UBE2K: variants seen among roughly 807,000 people sequenced by gnomAD.
UBE2K encodes ubiquitin-conjugating enzyme E2 K.
In UBE2K, 6 loss-of-function variants were observed where a neutral mutation model predicts 30.0. The ratio of observed to expected loss-of-function variants is 0.20; its 90% confidence interval spans 0.11 to 0.39. UBE2K has a LOEUF of 0.39. UBE2K is among the 10% of genes least tolerant of loss of function. The pLI, the probability that UBE2K is intolerant of heterozygous loss-of-function variation, is 1.00. For missense variants in UBE2K, 61 were observed against 241.6 expected, an observed-to-expected ratio of 0.25 and a Z score of 4.96; for synonymous variants, 86 against 83.7, an observed-to-expected ratio of 1.03 and a Z score of -0.15.
In UBE2K at chr4:39,748,928, G is replaced by A. The variant is rs184037015; in HGVS notation, c.216+3118G>A. On this transcript the variant is annotated intron_variant, in intron 3 of 6. Coordinates refer to ENST00000261427, the MANE Select transcript of UBE2K (RefSeq NM_005339.5). ...TAAATATGTTCTAGATGTATACTAC[G>A]TTGATTTGAATTTTTACTGATTGGT... Among the ~76,000 whole-genome samples, 320 of 152,268 alleles carry A rather than the reference G, an allele frequency of 2.1e-3. 1 individual carries two copies. Among genetic ancestry groups the A allele is most frequent in the Non-Finnish European group, 2.5e-3 (167 of 68,028 alleles).
chr4:39,718,986 G>C (rs762453332), intron 1 of UBE2K, among the ~76,000 whole-genome samples: 1 of 152,266 alleles, frequency 6.6e-6, no homozygotes, highest in East Asian at 1.9e-4. Context: ...CCTCAAGTGT[G>C]GCCAGAATGG....
intron 2 of UBE2K, among the ~76,000 whole-genome samples, chr4:39,744,112 C>T (rs1310589858): frequency 6.6e-6 from 1 of 152,180 alleles, no homozygotes; most frequent in Non-Finnish European, 1.5e-5. Context: ...ATCTGCCCAC[C>T]TCAGCCTCCC....
chr4:39,763,559 A>G (rs1712114042), intron 4 of UBE2K, among the ~76,000 whole-genome samples: 1 of 151,886 alleles, frequency 6.6e-6, no homozygotes. Flanking sequence ...CAAAACACTT[A>G]AAACAACCAG....
intron 2 of UBE2K, among the ~76,000 whole-genome samples, chr4:39,745,400 T>C (rs763676648): frequency 2.0e-5 from 3 of 152,202 alleles, no homozygotes; most frequent in Non-Finnish European, 4.4e-5. Flanking sequence ...GTTGTTGTTA[T>C]TTAGCAATTC....
chr4:39,739,492 G>A (rs1429907695), intron 2 of UBE2K, among the ~76,000 whole-genome samples: 1 of 114,810 alleles, frequency 8.7e-6, no homozygotes, highest in Non-Finnish European at 1.7e-5. Context: ...TGTCTCTCAC[G>A]CTGGAGTGCA....
intron 1 of UBE2K, among the ~76,000 whole-genome samples, chr4:39,726,178 C>T (rs1027697308): frequency 1.3e-5 from 2 of 151,922 alleles, no homozygotes; most frequent in African/African-American, 4.8e-5. Context: ...GGCATCCTCC[C>T]TATATGTCTG....
chr4:39,736,758 T>C (rs980513207), intron 1 of UBE2K, among the ~76,000 whole-genome samples: 1 of 152,238 alleles, frequency 6.6e-6, no homozygotes, highest in Non-Finnish European at 1.5e-5. Context: ...AGTAGAAATC[T>C]GGTTTTTTGA....
At chr4:39,720,471 T>C (rs1479504808) in intron 1 of UBE2K, among the ~76,000 whole-genome samples, 1 of 152,212 alleles carries the variant, frequency 6.6e-6, no homozygotes, top group Non-Finnish European at 1.5e-5. Flanking sequence ...GTTAATAAAA[T>C]GGACATGATC....
At chr4:39,734,509 A>AT (rs939511097) in intron 1 of UBE2K, among the ~76,000 whole-genome samples, 60 of 152,198 alleles carry the variant, frequency 3.9e-4, no homozygotes, top group African/African-American at 1.4e-3. Flanking sequence ...CTGACTTATA[A>AT]TTTGGGGGCT....
At chr4:39,760,543 G>T (rs1026898790) in intron 4 of UBE2K, among the ~76,000 whole-genome samples, 2 of 152,136 alleles carry the variant, frequency 1.3e-5, no homozygotes, top group Non-Finnish European at 1.5e-5. Flanking sequence ...AGACACAAAA[G>T]AATACATACT....
chr4:39,751,631 C>T (rs1391754557), intron 3 of UBE2K, among the ~76,000 whole-genome samples: 9 of 152,080 alleles, frequency 5.9e-5, no homozygotes, highest in South Asian at 4.1e-4. Context: ...GCCGAGATTG[C>T]GCCACTGCAC....
chr4:39,744,425 G>C (rs1006569282), intron 2 of UBE2K, among the ~76,000 whole-genome samples: 1 of 151,422 alleles, frequency 6.6e-6, no homozygotes, highest in Middle Eastern at 3.2e-3. Context: ...ACCTGCCTCA[G>C]CCTCCCAAAG....
Position 39,755,661 on chromosome 4 carries a change from G to A in UBE2K, c.221G>A (p.Arg74Gln). Residue 74 changes from arginine to glutamine, a missense_variant, in exon 4 of 7, where the codon CGG (arginine) becomes CAG (glutamine). By Grantham distance (43) the Arg-to-Gln change is conservative (BLOSUM62 1). Coordinates refer to ENST00000261427, the MANE Select transcript of UBE2K (RefSeq NM_005339.5). ...CAAGTGTGCTTTATATTCTAGGTCC[G>A]GTTTATCACTAAAATATGGCATCCT... ...ETYPFNPPKV[R>Q]FITKIWHPNI... 1 of 1,603,730 alleles carries A rather than the reference G, an allele frequency of 6.2e-7. No individual in the cohort carries two copies. Among genetic ancestry groups the A allele is most frequent in the Non-Finnish European group, 8.5e-7 (1 of 1,175,932 alleles).
intron 5 of UBE2K, among the ~76,000 whole-genome samples, chr4:39,776,281 A>G (rs917740033): frequency 1.3e-5 from 2 of 152,154 alleles, no homozygotes; most frequent in Non-Finnish European, 2.9e-5. Flanking sequence ...CACTATATTT[A>G]CATAATTACT....
intron 1 of UBE2K, among the ~76,000 whole-genome samples, chr4:39,706,471 CTT>C (rs35941407): frequency 2.2e-5 from 3 of 133,538 alleles, no homozygotes; most frequent in Non-Finnish European, 3.2e-5. Flanking sequence ...CATGCCTGGA[CTT>C]TTTTTTTTTT....
At chr4:39,760,785 T>A (rs149538819) in intron 4 of UBE2K, among the ~76,000 whole-genome samples, 47 of 151,900 alleles carry the variant, frequency 3.1e-4, no homozygotes, top group African/African-American at 6.5e-4. Flanking sequence ...AAATAAAAAT[T>A]AAAATTAAAA....
rs1309269471 is a variant in UBE2K, at chr4:39,767,751, TC to T, written c.300-7082del. Among the ~76,000 whole-genome samples, 12 of 152,320 alleles carry T rather than the reference TC, an allele frequency of 7.9e-5. No homozygotes were observed. In the South Asian group the frequency reaches 2.3e-3, roughly 29 times the overall value. ...TTTTACATGCCTTTATGTTTTTCTT[TC>T]AAATTAAAATAAATATTATGAGTTT... On this transcript the variant is annotated intron_variant, in intron 4 of 6. Coordinates refer to ENST00000261427, the MANE Select transcript of UBE2K (RefSeq NM_005339.5).
intron 1 of UBE2K, among the ~76,000 whole-genome samples, chr4:39,709,832 TAG>T (rs1358232403): frequency 6.6e-6 from 1 of 152,088 alleles, no homozygotes; most frequent in African/African-American, 2.4e-5. Flanking sequence ...TCAAATGATA[TAG>T]AGATAATGGG....
At chr4:39,772,810 C>A (rs973764652) in intron 4 of UBE2K, among the ~76,000 whole-genome samples, 1 of 151,654 alleles carries the variant, frequency 6.6e-6, no homozygotes, top group Non-Finnish European at 1.5e-5. Flanking sequence ...TCCTCAGCCA[C>A]CTGAGCAGCT....
Sources: gnomAD v4.1 joint callset for allele counts (sites outside exome capture counted in the v4.1 genomes callset) on GRCh38, gnomAD v4.1.1 for gene constraint, MANE v1.5 for transcripts, NCBI Gene and HGNC (gene_info 2026-07-23, HGNC 2026-07-21) for gene names.